The following HMCN2 variants were observed in gnomAD, a reference collection of about 807,000 sequenced individuals.
The protein encoded by HMCN2 is hemicentin 2.
A neutral mutation model predicts 377.5 loss-of-function variants in HMCN2; 325 were observed. That is an observed-to-expected ratio of 0.86 (90% confidence interval 0.79 to 0.94). HMCN2 has a LOEUF of 0.94. Ranked by LOEUF, HMCN2 falls within the 40% of genes least tolerant of loss-of-function variation. HMCN2 has a pLI of 0.00. For synonymous variants in HMCN2, 2,007 were observed against 2,046.8 expected (o/e 0.98, Z 0.53); for missense variants, 4,543 against 4,725.3 (o/e 0.96, Z 1.13).
chr9:130,400,945 C>T lies in HMCN2; in HGVS notation c.11768C>T (p.Ser3923Leu), dbSNP rs1475347159. The T allele has an allele frequency of 4.7e-6, 6 of 1,286,118 alleles. No individual in the cohort carries two copies. The highest frequency in any genetic ancestry group is 5.6e-5 in the East Asian group (1 of 17,868). The allele number at this position is 1,286,118 out of a possible 1,614,324, so 79.7% of individuals were successfully genotyped here. Reference sequence around the variant, plus strand: ...GGGAGTGGCTATCGTGTCTCACCATCGGGTAAGTAAGGGTAAGCCACAGAG... The same window carrying T: ...GGGAGTGGCTATCGTGTCTCACCATTGGGTAAGTAAGGGTAAGCCACAGAG... ...ARGSGYRVSP[S>L]GALEIGQALP... is the part of the protein sequence containing the mutation. The change falls in exon 77 of 98, where the codon TCG (serine) becomes TTG (leucine). Residue 3923 changes from serine to leucine, a missense_variant and splice_region_variant. Around this residue, in one of 5 missense-constraint regions of HMCN2, gnomAD observed 1,073 missense variants for 1,319.5 expected, o/e 0.81. Coordinates refer to ENST00000683500, the MANE Select transcript of HMCN2 (RefSeq NM_001291815.2).
intron 85 of HMCN2, among the ~76,000 whole-genome samples, chr9:130,416,518 T>C (rs1843708239): frequency 6.6e-6 from 1 of 152,338 alleles, no homozygotes; most frequent in African/African-American, 2.4e-5. Context: ...AGTTTATTGG[T>C]TCTCATTGCT....
At chr9:130,352,365 T>C (rs1419733626) in intron 30 of HMCN2, among the ~76,000 whole-genome samples, 2 of 152,242 alleles carry the variant, frequency 1.3e-5, no homozygotes, top group Non-Finnish European at 2.9e-5. Context: ...ATCTGCACTC[T>C]CTGTGCTAAA....
At chr9:130,278,026 A>ATCAT (rs58138207) in intron 1 of HMCN2, among the ~76,000 whole-genome samples, 105 of 7,570 alleles carry the variant, frequency 0.014, 36 homozygotes, top group African/African-American at 0.11. Context: ...CACCACCACC[A>ATCAT]CGATCATCAC....
Position 130,433,568 on chromosome 9 carries a change from G to GGCGCGGTCTACACCCGTC in HMCN2, c.15121_15138dup (p.Val5041_Ala5046dup), listed in dbSNP as rs1844903037. 1.4e-6 allele frequency: 2 copies of GGCGCGGTCTACACCCGTC among 1,478,316 alleles called. No individual in the cohort carries two copies. Among genetic ancestry groups the GGCGCGGTCTACACCCGTC allele is most frequent in the Non-Finnish European group, 8.9e-7 (1 of 1,119,328 alleles). 91.6% of individuals were successfully genotyped at this position (1,478,316 alleles called of 1,614,324 possible). A position where few individuals can be genotyped will look rare whatever the true frequency, so the allele number is the denominator to read the frequency against. On this transcript the variant is annotated inframe_insertion, in exon 98 of 98. Transcript: ENST00000683500. ...GCTGCGTCCGCTGCGCGCGGGCCTTGGCGCGGTCTACACCCGTCGCGCGCT... is the reference window on the plus strand; with the variant it reads ...GCTGCGTCCGCTGCGCGCGGGCCTTGGCGCGGTCTACACCCGTCGCGCGGTCTACACCCGTCGCGCGCT...
intron 87 of HMCN2, 93 bp from the exon 88 acceptor site, chr9:130,424,674 AGCTCTCCTG>A: frequency 8.0e-7 from 1 of 1,244,860 alleles, no homozygotes. Flanking sequence ...GAAGGGGCTG[AGCTCTCCTG>A]GGGGCAGTGG....
rs1346553882 is a variant in HMCN2, at chr9:130,379,321, G to A, written c.8285G>A (p.Arg2762Gln). Residue 2762 changes from arginine (R) to glutamine (Q), a missense_variant, in exon 54 of 98, where the codon CGG becomes CAG. Transcript: ENST00000683500. ...FEILSREEEA[R>Q]GGVTEYREIV... ...ATCCTGTCCCGGGAGGAGGAGGCCC[G>A]GGGCGGAGTCACGGAATACAGGGAG... The A allele has an allele frequency of 2.3e-5, 23 of 985,582 alleles. No homozygotes were observed. Among genetic ancestry groups the A allele is most frequent in the Admixed American group, 6.2e-5 (1 of 16,242 alleles). The allele number at this position is 985,582 out of a possible 1,614,324, so 61.1% of individuals were successfully genotyped here.
intron 1 of HMCN2, among the ~76,000 whole-genome samples, chr9:130,273,069 T>TAGTAAAGAGG (rs1834489251): frequency 6.6e-6 from 1 of 152,164 alleles, no homozygotes; most frequent in Non-Finnish European, 1.5e-5. Flanking sequence ...CTTGTTCTGT[T>TAGTAAAGAGG]CACATTTATT....
chr9:130,348,513 G>A (rs1423024782), intron 26 of HMCN2, 32 bp from the exon 27 acceptor site: 4 of 1,301,036 alleles, frequency 3.1e-6, no homozygotes, highest in Non-Finnish European at 4.0e-6. Flanking sequence ...AGGGGGCAGG[G>A]AAGCAGCTCC....
intron 36 of HMCN2, 45 bp from the exon 37 acceptor site, chr9:130,359,274 A>C: frequency 1.8e-6 from 2 of 1,086,340 alleles, no homozygotes; most frequent in Non-Finnish European, 2.5e-6. Context: ...AGAGCTGCCC[A>C]GAGCTTGCAC....
chr9:130,280,293 G>A (rs180681443), intron 1 of HMCN2, among the ~76,000 whole-genome samples: 2,646 of 151,108 alleles, frequency 0.018, 35 homozygotes, highest in Middle Eastern at 0.034. Flanking sequence ...CTCCCGAGTA[G>A]CTGGGACTAC....
rs2131544783 is a variant in HMCN2, at chr9:130,356,199, C to T, written c.5367C>T (p.Ala1789=). The T allele has an allele frequency of 7.7e-7, 1 of 1,303,410 alleles. No homozygotes were observed. The highest frequency in any genetic ancestry group is 1.2e-5 in the South Asian group (1 of 81,012). The allele number at this position is 1,303,410 out of a possible 1,614,324, so 80.7% of individuals were successfully genotyped here. A position where few individuals can be genotyped will look rare whatever the true frequency, so the allele number is the denominator to read the frequency against. ...AGCTGGACCACTCAGGCCTCTTCGC[C>T]TGCCAGGCCACCAATGAGGCGGGCA... The part of the protein sequence containing the change: ...HVELDHSGLF[A]CQATNEAGTA... Residue 1789 remains alanine, a synonymous_variant, in exon 34 of 98, where the codon GCC becomes GCT. Coordinates refer to ENST00000683500, the MANE Select transcript of HMCN2 (RefSeq NM_001291815.2).
In HMCN2 at chr9:130,428,256, G is replaced by A; in HGVS notation, c.14066-102G>A. The A allele has an allele frequency of 7.4e-7, 1 of 1,355,742 alleles. No homozygotes were observed. The highest frequency in any genetic ancestry group is 9.8e-7 in the Non-Finnish European group (1 of 1,025,530). 84.0% of individuals were successfully genotyped at this position (1,355,742 alleles called of 1,614,324 possible). On this transcript the variant is annotated intron_variant, in intron 92 of 97. Coordinates refer to ENST00000683500, the MANE Select transcript of HMCN2 (RefSeq NM_001291815.2). This position sits in a 1 kb window ranked among gnomAD's most constrained non-coding sequence, Gnocchi z 5.0. ...GGACCTTCCTGCCAGTGGCTCCTGG[G>A]CCTGCGGACGAAGCCTCTGTGGATA...
chr9:130,411,722 G>A (rs1373015762), intron 85 of HMCN2, among the ~76,000 whole-genome samples: 3 of 151,980 alleles, frequency 2.0e-5, no homozygotes, highest in South Asian at 2.1e-4. Flanking sequence ...AACAAACACT[G>A]TATGATTCTG....
In HMCN2 at chr9:130,428,419, G is replaced by A. The variant is rs964829364; in HGVS notation, c.14127G>A (p.Leu4709=). The change falls in exon 93 of 98, where the codon CTG becomes CTA. Residue 4709 remains leucine, a synonymous_variant. Transcript: ENST00000683500. This position sits in a 1 kb window ranked among gnomAD's most constrained non-coding sequence, Gnocchi z 5.0. ...LCREGQRCVN[L]LGSYRCLPDC... is the part of the protein sequence containing the mutation. ...GAGAGGGACAGCGCTGTGTGAACCT[G>A]CTCGGGTCCTACCGCTGCCTCCCCG... The A allele has an allele frequency of 6.5e-7, 1 of 1,547,286 alleles. No individual in the cohort carries two copies.
chr9:130,347,832 A>G lies in HMCN2; in HGVS notation c.4024+472A>G, dbSNP rs1048372211. ...GGAGATCGAGACCAGTTTGGGAGAG[A>G]GAGACCCTGTCTCTACATAAAATAA... is the stretch of plus-strand genomic sequence containing the variant. On this transcript the variant is annotated intron_variant, in intron 26 of 97. Coordinates refer to ENST00000683500, the MANE Select transcript of HMCN2 (RefSeq NM_001291815.2). This position sits in a 1 kb window ranked among gnomAD's most constrained non-coding sequence, Gnocchi z 5.1. Among the ~76,000 whole-genome samples the G allele has an allele frequency of 7.2e-5, 11 of 152,168 alleles. No homozygotes were observed. Among genetic ancestry groups the G allele is most frequent in the African/African-American group, 2.7e-4 (11 of 41,428 alleles).
In HMCN2 at chr9:130,379,449, G is replaced by GCA; in HGVS notation, c.8413_8414insCA (p.Glu2805AlafsTer45). On this transcript the variant is annotated frameshift_variant, in exon 54 of 98. Transcript: ENST00000683500. LOFTEE classifies it high-confidence loss of function. ...GGATCAGCCCCTCTCGGCCGGGGAT[G>GCA]AGGTGTCTGTGCTGCAAGGTGGGTC... 2.0e-6 allele frequency: 2 copies of GCA among 985,912 alleles called. No homozygotes were observed. The highest frequency in any genetic ancestry group is 3.5e-5 in the African/African-American group (2 of 57,358). 61.1% of individuals were successfully genotyped at this position (985,912 alleles called of 1,614,324 possible).
In HMCN2 at chr9:130,382,828, C is replaced by T. The variant is rs1489823342; in HGVS notation, c.8695C>T (p.Pro2899Ser). Residue 2899 changes from proline to serine, a missense_variant, in exon 56 of 98, where the codon CCA becomes TCA. By Grantham distance (74) the Pro-to-Ser change is moderately conservative (BLOSUM62 -1). Coordinates refer to ENST00000683500, the MANE Select transcript of HMCN2 (RefSeq NM_001291815.2). ...LQNGLPFSPS[P>S]RLQVLEDGQV... is the part of the protein sequence containing the mutation. ...GAATGGGCTGCCTTTCTCCCCGAGCCCACGGCTGCAGGTCCTGGAGGACGG... is the reference window on the plus strand; with the variant it reads ...GAATGGGCTGCCTTTCTCCCCGAGCTCACGGCTGCAGGTCCTGGAGGACGG... The T allele has an allele frequency of 1.0e-5, 10 of 985,782 alleles. No individual in the cohort carries two copies. Among genetic ancestry groups the T allele is most frequent in the South Asian group, 4.7e-5 (1 of 21,296 alleles). The allele number at this position is 985,782 out of a possible 1,614,324, so 61.1% of individuals were successfully genotyped here. A position where few individuals can be genotyped will look rare whatever the true frequency, so the allele number is the denominator to read the frequency against.
At chr9:130,269,455 C>G (rs1834292101) in intron 1 of HMCN2, among the ~76,000 whole-genome samples, 1 of 147,808 alleles carries the variant, frequency 6.8e-6, no homozygotes, top group Admixed American at 6.8e-5. Context: ...CCATTTTTAA[C>G]ACACCGAGTG....
intron 22 of HMCN2, among the ~76,000 whole-genome samples, chr9:130,331,072 C>T (rs1050422032): frequency 5.3e-5 from 8 of 151,354 alleles, no homozygotes; most frequent in Admixed American, 3.9e-4. Flanking sequence ...GCAGGGGAAT[C>T]GCTTGAACCT....
Sources: gnomAD v4.1 joint callset for allele counts (sites outside exome capture counted in the v4.1 genomes callset) on GRCh38, gnomAD v4.1.1 for gene constraint, gnomAD v4.1.1 regional missense constraint, Gnocchi (gnomAD v3.1) non-coding constraint, MANE v1.5 for transcripts, NCBI Gene and HGNC (gene_info 2026-07-23, HGNC 2026-07-21) for gene names.